Variants in PRKN observed in about 807,000 individuals in gnomAD.
The protein encoded by PRKN is E3 ubiquitin-protein ligase parkin.
Under a neutral mutation model 59.5 loss-of-function variants are expected in PRKN, and 56 were observed. The observed-to-expected ratio is 0.94, with a 90% CI of 0.76 to 1.18. PRKN has a LOEUF of 1.18. PRKN is among the 50% of genes most tolerant of loss of function. The pLI is 0.00. For missense variants in PRKN, 657 were observed against 596.4 expected (o/e 1.10, Z -1.06); for synonymous variants, 250 against 222.1 (o/e 1.13, Z -1.12).
At chr6:162,452,417 T>G (rs531135690) in intron 1 of PRKN, among the ~76,000 whole-genome samples, 1 of 131,984 alleles carries the variant, frequency 7.6e-6, no homozygotes, top group African/African-American at 2.8e-5. Context: ...GCAGAAATTC[T>G]ATTCCATGGG....
intron 7 of PRKN, among the ~76,000 whole-genome samples, chr6:161,688,822 C>A (rs1387178351): frequency 6.6e-6 from 1 of 152,084 alleles, no homozygotes; most frequent in African/African-American, 2.4e-5. Flanking sequence ...CAAGGGCATC[C>A]CAACAGACAA....
intron 4 of PRKN, among the ~76,000 whole-genome samples, chr6:162,192,963 C>T (rs1784346250): frequency 6.6e-6 from 1 of 152,114 alleles, no homozygotes; most frequent in African/African-American, 2.4e-5. Context: ...ACTTGGGGAA[C>T]TTGCGTCTGC....
intron 6 of PRKN, among the ~76,000 whole-genome samples, chr6:161,869,466 T>G (rs181751298): frequency 2.6e-4 from 39 of 152,284 alleles, no homozygotes; most frequent in African/African-American, 9.4e-4. Flanking sequence ...TGTGCTATGT[T>G]TTGAGCTGAT....
chr6:161,439,703 A>AT (rs11451451), intron 9 of PRKN, among the ~76,000 whole-genome samples: 77,768 of 151,516 alleles, frequency 0.51, 20,853 homozygotes, highest in Middle Eastern at 0.65. Context: ...AGGAAGCTAG[A>AT]TTTTTTTTTA....
chr6:162,002,310 A>G (rs1033945401), intron 5 of PRKN, among the ~76,000 whole-genome samples: 6 of 152,124 alleles, frequency 3.9e-5, no homozygotes, highest in African/African-American at 1.4e-4. Context: ...TTGGAAGGTT[A>G]TTAATTCCTG....
intron 3 of PRKN, among the ~76,000 whole-genome samples, chr6:162,219,639 G>A (rs980472354): frequency 3.9e-5 from 6 of 151,930 alleles, no homozygotes; most frequent in African/African-American, 7.3e-5. Flanking sequence ...ATACTTCAGG[G>A]AGATAATATC....
chr6:162,510,400 G>A (rs1777543904), intron 1 of PRKN, among the ~76,000 whole-genome samples: 1 of 152,054 alleles, frequency 6.6e-6, no homozygotes, highest in Non-Finnish European at 1.5e-5. Context: ...CGTGTGAGAG[G>A]GCGACACTCC....
In PRKN at chr6:161,549,048, A is replaced by G. The variant is rs1278492609; in HGVS notation, c.934-45T>C. 3 of 1,611,900 alleles carry G rather than the reference A, an allele frequency of 1.9e-6. No individual in the cohort carries two copies. The highest frequency in any genetic ancestry group is 3.3e-5 in the Admixed American group (2 of 60,022). ...GATTGAGCTTTCAAACTGACTGCAAATTTCAGCCAAAGGGTTAGGAGCTAC... is the reference window on the plus strand; with the variant it reads ...GATTGAGCTTTCAAACTGACTGCAAGTTTCAGCCAAAGGGTTAGGAGCTAC... On this transcript the variant is annotated intron_variant, in intron 8 of 11. Transcript: ENST00000366898. The surrounding 1 kb of genome is among the most constrained non-coding windows in gnomAD (Gnocchi z 6.0).
chr6:162,220,752 C>T (rs570620560), intron 3 of PRKN, among the ~76,000 whole-genome samples: 1 of 152,316 alleles, frequency 6.6e-6, no homozygotes, highest in South Asian at 2.1e-4. Flanking sequence ...AGGGGAGGGG[C>T]AGGCAGCCGT....
At chr6:162,233,325 G>A (rs1445351486) in intron 3 of PRKN, among the ~76,000 whole-genome samples, 2 of 152,014 alleles carry the variant, frequency 1.3e-5, no homozygotes, top group African/African-American at 2.4e-5. Context: ...ATACATTAAG[G>A]AATGTATTGA....
At chr6:162,302,360 ATTAACCTAAGTTAGAC>A (rs1355819172) in intron 2 of PRKN, among the ~76,000 whole-genome samples, 1 of 151,912 alleles carries the variant, frequency 6.6e-6, no homozygotes, top group African/African-American at 2.4e-5. Flanking sequence ...TTAAGAAAGG[ATTAACCTAAGTTAGAC>A]TTAACCTAAT....
Position 161,954,537 on chromosome 6 carries a change from T to C in PRKN, c.734+18765A>G, listed in dbSNP as rs60894483. On this transcript the variant is annotated intron_variant, in intron 6 of 11. Transcript: ENST00000366898. ...ATTCTGCAATATTTCTGAAATCATATTGACACATAATGGAGGATTTTTCAG... is the reference window on the plus strand; with the variant it reads ...ATTCTGCAATATTTCTGAAATCATACTGACACATAATGGAGGATTTTTCAG... 3.8e-3 allele frequency among the ~76,000 whole-genome samples: 583 copies of C among 152,340 alleles called. 3 individuals are homozygous for C. Among genetic ancestry groups the C allele is most frequent in the African/African-American group, 0.013 (555 of 41,580 alleles).
intron 7 of PRKN, among the ~76,000 whole-genome samples, chr6:161,662,314 C>T (rs924984163): frequency 4.6e-5 from 7 of 152,154 alleles, no homozygotes; most frequent in Admixed American, 6.5e-5. Context: ...CCGAGGAGGG[C>T]GTGCATCTCT....
At chr6:162,400,891 C>A (rs1787759981) in intron 2 of PRKN, among the ~76,000 whole-genome samples, 2 of 151,994 alleles carry the variant, frequency 1.3e-5, no homozygotes, top group South Asian at 2.1e-4. Flanking sequence ...ATGTAATATA[C>A]ACTTAGAAAT....
chr6:162,024,194 CTTTTTTTTTTTTT>C (rs111595639), intron 5 of PRKN, among the ~76,000 whole-genome samples: 1 of 82,062 alleles, frequency 1.2e-5, no homozygotes, highest in African/African-American at 5.0e-5. Context: ...TCCCCCAACC[CTTTTTTTTTTTTT>C]TTTTTTTTTT....
chr6:162,092,691 C>A (rs1485296346), intron 4 of PRKN, among the ~76,000 whole-genome samples: 3 of 152,164 alleles, frequency 2.0e-5, no homozygotes, highest in African/African-American at 7.2e-5. Flanking sequence ...TTAATAACTT[C>A]TATTTCTGAT....
At chr6:162,288,713 C>A (rs1781303695) in intron 2 of PRKN, among the ~76,000 whole-genome samples, 1 of 152,104 alleles carries the variant, frequency 6.6e-6, no homozygotes, top group Non-Finnish European at 1.5e-5. Flanking sequence ...TAAACCAAGC[C>A]CACAAACATG....
intron 7 of PRKN, among the ~76,000 whole-genome samples, chr6:161,657,405 G>A (rs1165078060): frequency 6.6e-6 from 1 of 152,164 alleles, no homozygotes; most frequent in Admixed American, 6.5e-5. Context: ...GCTTGCCACT[G>A]CTCCTAGGAT....
intron 2 of PRKN, among the ~76,000 whole-genome samples, chr6:162,390,396 T>TATACACAC (rs1180636201): frequency 1.4e-4 from 12 of 84,102 alleles, no homozygotes; most frequent in East Asian, 3.2e-4. Flanking sequence ...TATATATATA[T>TATACACAC]ACACACACAC....
Sources: gnomAD v4.1 joint callset for allele counts (sites outside exome capture counted in the v4.1 genomes callset) on GRCh38, gnomAD v4.1.1 for gene constraint, Gnocchi (gnomAD v3.1) non-coding constraint, MANE v1.5 for transcripts, NCBI Gene and HGNC (gene_info 2026-07-23, HGNC 2026-07-21) for gene names.